The following OXR1 variants were observed in gnomAD, a reference collection of about 807,000 sequenced individuals.
OXR1 encodes oxidation resistance protein 1.
A neutral mutation model predicts 104.6 loss-of-function variants in OXR1; 41 were observed. That is an observed-to-expected ratio of 0.39 (90% CI 0.31 to 0.51). The LOEUF (loss-of-function observed/expected upper bound fraction) is 0.51, where lower values mean the gene tolerates loss of function less well. Among genes scored for constraint, OXR1 ranks in the 20% least tolerant of loss-of-function variants. The pLI is 0.77. For missense variants in OXR1, 955 were observed against 1,031.9 expected (o/e 0.93, Z 1.02); for synonymous variants, 348 against 348.4 (o/e 1.00, Z 0.01).
intron 2 of OXR1, among the ~76,000 whole-genome samples, chr8:106,450,764 CT>C (rs10668587): frequency 0.12 from 17,321 of 145,862 alleles, 3,094 homozygotes; most frequent in African/African-American, 0.39. Context: ...AAAGAGGGTG[CT>C]TTTTTTTTTT....
In OXR1 at chr8:106,519,005, C is replaced by T. The variant is rs1386948690; in HGVS notation, c.86C>T (p.Ala29Val). The change falls in exon 3 of 17, where the codon GCA (alanine) becomes GTA (valine). Residue 29 changes from alanine to valine, a missense_variant. By Grantham distance (64) the Ala-to-Val change is moderately conservative. Coordinates refer to ENST00000517566, the MANE Select transcript of OXR1 (RefSeq NM_001198533.2). Reference sequence around the variant, plus strand: ...CCAGGGTTCAACCCTTTGGCTGGTGCAGGAAAGCAAACACCACAAGCCAGT... The same window carrying T: ...CCAGGGTTCAACCCTTTGGCTGGTGTAGGAAAGCAAACACCACAAGCCAGT... Reference protein sequence around the residue: ...NAPGFNPLAGAGKQTPQASKP... With the variant: ...NAPGFNPLAGVGKQTPQASKP... 6.4e-7 allele frequency: 1 copy of T among 1,551,642 alleles called. No individual in the cohort carries two copies. The highest frequency in any genetic ancestry group is 1.2e-5 in the South Asian group (1 of 84,052).
intron 6 of OXR1, among the ~76,000 whole-genome samples, chr8:106,686,220 A>G (rs1828700198): frequency 6.6e-6 from 1 of 151,796 alleles, no homozygotes; most frequent in African/African-American, 2.4e-5. Flanking sequence ...AGAAATCACC[A>G]CTAAAGAACT....
At chr8:106,733,698 C>T (rs1029149693) in intron 11 of OXR1, among the ~76,000 whole-genome samples, 1 of 151,582 alleles carries the variant, frequency 6.6e-6, no homozygotes, top group African/African-American at 2.4e-5. Context: ...TCCCAGCACA[C>T]ATCTGTAGTC....
At chr8:106,396,387 C>T (rs12678853) in intron 2 of OXR1, among the ~76,000 whole-genome samples, 2 of 151,812 alleles carry the variant, frequency 1.3e-5, no homozygotes, top group African/African-American at 4.8e-5. Flanking sequence ...ATAGGATGTG[C>T]GGAGGAGGGT....
intron 2 of OXR1, among the ~76,000 whole-genome samples, chr8:106,465,944 T>G (rs556493799): frequency 1.1e-4 from 17 of 152,082 alleles, no homozygotes; most frequent in Admixed American, 2.0e-4. Context: ...AGTCTCAAAT[T>G]TATTCATTTG....
At chr8:106,283,345 C>G (rs1008235823) in intron 1 of OXR1, among the ~76,000 whole-genome samples, 11 of 152,160 alleles carry the variant, frequency 7.2e-5, no homozygotes, top group Admixed American at 7.2e-4. Flanking sequence ...CTCTGGATCC[C>G]TGGAACCCTA....
intron 1 of OXR1, among the ~76,000 whole-genome samples, chr8:106,276,819 A>C (rs1196437442): frequency 6.6e-6 from 1 of 151,928 alleles, no homozygotes; most frequent in Admixed American, 6.5e-5. Flanking sequence ...TATTCACCTA[A>C]ATTGTCAAAA....
At chr8:106,585,696 A>T (rs537532977) in intron 3 of OXR1, among the ~76,000 whole-genome samples, 2 of 152,300 alleles carry the variant, frequency 1.3e-5, no homozygotes, top group East Asian at 3.9e-4. Flanking sequence ...AGTGCCAAAG[A>T]GGGGATGTGT....
chr8:106,688,117 T>G (rs1307542549), intron 6 of OXR1, among the ~76,000 whole-genome samples: 1 of 152,218 alleles, frequency 6.6e-6, no homozygotes, highest in Non-Finnish European at 1.5e-5. Context: ...CTTTGGTTTT[T>G]CTCCTTTGTA....
At chr8:106,474,855 T>C (rs752917870) in intron 2 of OXR1, among the ~76,000 whole-genome samples, 4 of 151,972 alleles carry the variant, frequency 2.6e-5, no homozygotes, top group African/African-American at 4.8e-5. Flanking sequence ...ACCTATTTCA[T>C]AGAATTTTTA....
chr8:106,412,975 C>T (rs1818519236), intron 2 of OXR1, among the ~76,000 whole-genome samples: 1 of 152,006 alleles, frequency 6.6e-6, no homozygotes, highest in Admixed American at 6.6e-5. Context: ...GAAAGCTAAT[C>T]TTGATGAATA....
chr8:106,697,413 C>A, intron 7 of OXR1: 1 of 1,457,118 alleles, frequency 6.9e-7, no homozygotes, highest in South Asian at 1.2e-5. Flanking sequence ...GGGGCAAGGC[C>A]TGGGGTGGGA....
chr8:106,524,247 C>G (rs184108482), intron 3 of OXR1, among the ~76,000 whole-genome samples: 10 of 152,220 alleles, frequency 6.6e-5, no homozygotes, highest in Non-Finnish European at 1.3e-4. Flanking sequence ...ATTTCACTAC[C>G]CTTCATTCAA....
chr8:106,424,909 A>G (rs976795538), intron 2 of OXR1, among the ~76,000 whole-genome samples: 4 of 151,692 alleles, frequency 2.6e-5, no homozygotes, highest in African/African-American at 9.7e-5. Context: ...TTTTGATTTG[A>G]CATATTTTTT....
intron 3 of OXR1, among the ~76,000 whole-genome samples, chr8:106,663,432 A>G (rs552246450): frequency 6.6e-6 from 1 of 152,344 alleles, no homozygotes; most frequent in South Asian, 2.1e-4. Flanking sequence ...TTAGAGTTAG[A>G]AAGATAGTAA....
intron 7 of OXR1, among the ~76,000 whole-genome samples, chr8:106,695,105 A>T (rs914423265): frequency 1.3e-5 from 2 of 150,542 alleles, no homozygotes; most frequent in Admixed American, 1.3e-4. Context: ...TCTTATCGTA[A>T]CACCTCTTAT....
intron 2 of OXR1, among the ~76,000 whole-genome samples, chr8:106,384,649 A>G (rs938431651): frequency 2.0e-5 from 3 of 151,986 alleles, no homozygotes; most frequent in Admixed American, 1.3e-4. Flanking sequence ...TAGAGATGGA[A>G]ATTTCCAGTT....
At chr8:106,551,437 T>A (rs1472642730) in intron 3 of OXR1, among the ~76,000 whole-genome samples, 1 of 152,180 alleles carries the variant, frequency 6.6e-6, no homozygotes, top group Admixed American at 6.5e-5. Context: ...AGCTATTTAC[T>A]TTAGTATATG....
At chr8:106,432,617 G>A (rs1819406234) in intron 2 of OXR1, among the ~76,000 whole-genome samples, 1 of 151,202 alleles carries the variant, frequency 6.6e-6, no homozygotes, top group Non-Finnish European at 1.5e-5. Flanking sequence ...ATTAATAGTT[G>A]AACTCCCTTC....
Sources: gnomAD v4.1 joint callset for allele counts (sites outside exome capture counted in the v4.1 genomes callset) on GRCh38, gnomAD v4.1.1 for gene constraint, MANE v1.5 for transcripts, NCBI Gene and HGNC (gene_info 2026-07-23, HGNC 2026-07-21) for gene names.